Variants in ST7L observed in about 807,000 individuals in gnomAD.
ST7L encodes the protein suppression of tumorigenicity 7 like.
ST7L carries 57 observed loss-of-function variants against 72.5 expected under a neutral mutation model. The ratio of observed to expected loss-of-function variants is 0.79; its 90% CI spans 0.64 to 0.98. ST7L has a LOEUF of 0.98. ST7L is among the 50% of genes least tolerant of loss of function. The pLI, the probability that ST7L is intolerant of heterozygous loss-of-function variation, is 0.00. For missense variants in ST7L, 576 were observed against 672.2 expected (o/e 0.86, Z 1.58); for synonymous variants, 221 against 240.9 (o/e 0.92, Z 0.77).
At chr1:112,544,682 C>A (rs1656767001) in intron 13 of ST7L, among the ~76,000 whole-genome samples, 1 of 152,162 alleles carries the variant, frequency 6.6e-6, no homozygotes, top group Admixed American at 6.5e-5. Context: ...TTATAAAGAA[C>A]TTTAATTTAT....
chr1:112,553,089 TA>T (rs34755227), intron 12 of ST7L, among the ~76,000 whole-genome samples: 2 of 151,600 alleles, frequency 1.3e-5, no homozygotes, highest in East Asian at 1.9e-4. Flanking sequence ...AGTATAGACT[TA>T]AAAAAAACAA....
At position 112,616,892 on chromosome 1, in the gene ST7L, G is replaced by A; in HGVS notation, c.209C>T (p.Thr70Ile). Residue 70 changes from threonine (T) to isoleucine (I), a missense_variant, in exon 2 of 15, where the codon ACT becomes ATT. Physicochemically the swap from Thr to Ile is moderately conservative, Grantham distance 89 (BLOSUM62 -1). Transcript: ENST00000358039. Reference protein sequence around the residue: ...LRLCENLAAVTVFLNSLTPKF... With the variant: ...LRLCENLAAVIVFLNSLTPKF... ...GGGTGTCAATGAATTTAAAAATACAGTCACTGTCAAAAGAACAAGAATCAA... is the reference window on the plus strand; with the variant it reads ...GGGTGTCAATGAATTTAAAAATACAATCACTGTCAAAAGAACAAGAATCAA... The A allele has an allele frequency of 6.3e-7, 1 of 1,598,538 alleles. No homozygotes were observed. The highest frequency in any genetic ancestry group is 8.5e-7 in the Non-Finnish European group (1 of 1,174,456).
At chr1:112,572,784 T>C (rs1259661120) in intron 11 of ST7L, among the ~76,000 whole-genome samples, 1 of 152,070 alleles carries the variant, frequency 6.6e-6, no homozygotes, top group Non-Finnish European at 1.5e-5. Context: ...TAAAATTGTG[T>C]TGAGAGAAGT....
At chr1:112,542,747 C>CTAAATAAA (rs71081246) in intron 13 of ST7L, among the ~76,000 whole-genome samples, 19 of 142,924 alleles carry the variant, frequency 1.3e-4, no homozygotes, top group Non-Finnish European at 1.8e-4. Flanking sequence ...AGACCTGTCT[C>CTAAATAAA]TAAATAAATA....
intron 13 of ST7L, among the ~76,000 whole-genome samples, chr1:112,542,779 A>G (rs1226600316): frequency 6.6e-6 from 1 of 150,952 alleles, no homozygotes; most frequent in South Asian, 2.1e-4. Context: ...AAATAAATAA[A>G]TAAATAAATA....
intron 5 of ST7L, among the ~76,000 whole-genome samples, chr1:112,594,595 C>T (rs532565148): frequency 1.2e-3 from 177 of 152,278 alleles, no homozygotes; most frequent in Non-Finnish European, 2.0e-3. Context: ...AGCCTAATTT[C>T]GGCCAAGTGG....
rs918208565 is a variant in ST7L at position 112,579,851 on chromosome 1, T to A, written c.1070-1434A>T. Among the ~76,000 whole-genome samples the A allele has an allele frequency of 1.1e-4, 17 of 152,134 alleles. No homozygotes were observed. The East Asian group carries it at 3.3e-3, about 29-fold the overall frequency. Reference sequence around the variant, plus strand: ...TTAGATATGCTTTATTAGTTTTAGTTTTATTTTATTTTTAATGAATCAGGT... The same window carrying A: ...TTAGATATGCTTTATTAGTTTTAGTATTATTTTATTTTTAATGAATCAGGT... On this transcript the variant is annotated intron_variant, in intron 9 of 14. Transcript: ENST00000358039.
At chr1:112,530,397 T>A (rs527948574) in intron 14 of ST7L, among the ~76,000 whole-genome samples, 20 of 152,292 alleles carry the variant, frequency 1.3e-4, no homozygotes, top group Non-Finnish European at 2.9e-4. Flanking sequence ...TTGTATAAAC[T>A]CAAGGAGAGG....
chr1:112,550,451 A>T, intron 13 of ST7L, 150 bp downstream of exon 13: 1 of 511,140 alleles, frequency 2.0e-6, no homozygotes. Flanking sequence ...AAATAAATTG[A>T]ATTATACAAC....
intron 12 of ST7L, among the ~76,000 whole-genome samples, chr1:112,554,155 A>G (rs890567896): frequency 6.6e-6 from 1 of 152,188 alleles, no homozygotes; most frequent in African/African-American, 2.4e-5. Context: ...ATAAGCATTG[A>G]ATTTATTTTT....
At chr1:112,539,621 A>T (rs1655766065) in intron 14 of ST7L, 1 of 856,242 alleles carries the variant, frequency 1.2e-6, no homozygotes, top group Non-Finnish European at 1.4e-6. Context: ...ACGCCATTGC[A>T]CTCTAGTCTG....
At chr1:112,576,867 A>C (rs1663178791) in intron 11 of ST7L, 119 bp downstream of exon 11, 2 of 664,578 alleles carry the variant, frequency 3.0e-6, no homozygotes, top group Admixed American at 5.8e-5. Context: ...TAAGCATCAA[A>C]ATATAGCAGA....
intron 2 of ST7L, among the ~76,000 whole-genome samples, chr1:112,615,906 T>G (rs1669797574): frequency 6.6e-6 from 1 of 152,096 alleles, no homozygotes; most frequent in African/African-American, 2.4e-5. Context: ...TACCCAGTTA[T>G]TTTTTGTATT....
chr1:112,591,673 G>T (rs933558932), intron 5 of ST7L, 70 bp from the exon 6 acceptor site: 3 of 1,167,032 alleles, frequency 2.6e-6, no homozygotes, highest in Non-Finnish European at 3.7e-6. Context: ...GAAGAATAAG[G>T]TAGTGGAGTA....
At chr1:112,520,618 C>A (rs1283419578), downstream of ST7L, 4 of 1,143,696 alleles carry the variant, frequency 3.5e-6, no homozygotes, top group Non-Finnish European at 5.1e-6. Context: ...GCTACCGCTT[C>A]TATTTAAGGA....
chr1:112,559,808 G>A (rs961315092), intron 11 of ST7L, among the ~76,000 whole-genome samples: 38 of 151,664 alleles, frequency 2.5e-4, no homozygotes, highest in Non-Finnish European at 2.4e-4. Flanking sequence ...GTGAAACCCC[G>A]TCTCTACTAA....
intron 5 of ST7L, among the ~76,000 whole-genome samples, chr1:112,594,718 A>G (rs1251202750): frequency 6.6e-6 from 1 of 152,188 alleles, no homozygotes; most frequent in Admixed American, 6.5e-5. Flanking sequence ...TAAATTGAAA[A>G]ATGAAGTCAG....
At chr1:112,549,384 T>G (rs1657718108) in intron 13 of ST7L, among the ~76,000 whole-genome samples, 1 of 152,060 alleles carries the variant, frequency 6.6e-6, no homozygotes, top group African/African-American at 2.4e-5. Flanking sequence ...GAGTGAGAAT[T>G]GGTCTCAAAT....
At chr1:112,540,242 A>G (rs1655889285) in intron 14 of ST7L, 12 of 985,266 alleles carry the variant, frequency 1.2e-5, no homozygotes, top group Non-Finnish European at 1.4e-5. Context: ...CCTGAGACAA[A>G]TCCAAGAATC....
Sources: gnomAD v4.1 joint callset for allele counts (sites outside exome capture counted in the v4.1 genomes callset) on GRCh38, gnomAD v4.1.1 for gene constraint, MANE v1.5 for transcripts, NCBI Gene and HGNC (gene_info 2026-07-23, HGNC 2026-07-21) for gene names.